ISOC1: variants seen among roughly 807,000 people sequenced by gnomAD.
ISOC1 encodes the protein isochorismatase domain-containing protein 1.
A neutral mutation model predicts 30.0 loss-of-function variants in ISOC1; 33 were observed. That is an observed-to-expected ratio of 1.10 (90% CI 0.83 to 1.47). ISOC1 has a LOEUF of 1.47. Among genes scored for constraint, ISOC1 ranks in the 40% most tolerant of loss-of-function variants. The pLI, the probability that ISOC1 is intolerant of heterozygous loss-of-function variation, is 0.00. For missense variants in ISOC1, 372 were observed against 388.0 expected (o/e 0.96, Z 0.35); for synonymous variants, 178 against 159.8 (o/e 1.11, Z -0.86).
chr5:129,105,495 G>T, intron 3 of ISOC1, 107 bp downstream of exon 3: 2 of 867,468 alleles, frequency 2.3e-6, no homozygotes, highest in Non-Finnish European at 1.8e-6. Flanking sequence ...TAATAATGAG[G>T]AAAGGTAGCC....
At chr5:129,100,329 T>C (rs892218452) in intron 1 of ISOC1, among the ~76,000 whole-genome samples, 4 of 152,136 alleles carry the variant, frequency 2.6e-5, no homozygotes, top group African/African-American at 9.7e-5. Context: ...CTTAAGAAAG[T>C]AGACAAAATA....
At chr5:129,110,301 T>C (rs1414917264) in intron 4 of ISOC1, among the ~76,000 whole-genome samples, 1 of 152,168 alleles carries the variant, frequency 6.6e-6, no homozygotes, top group Non-Finnish European at 1.5e-5. Flanking sequence ...GGCTGGAGTT[T>C]TAACTGCCCC....
In ISOC1 at chr5:129,113,941, TTAAA is replaced by T. The variant is rs1753741622; in HGVS notation, c.*943_*946del. The T allele has an allele frequency of 6.6e-6, 1 of 152,190 alleles. No individual in the cohort carries two copies. The allele number at this position is 152,190 out of a possible 1,614,324, so 9.4% of individuals were successfully genotyped here. On this transcript the variant is annotated 3_prime_UTR_variant, in exon 5 of 5. Coordinates refer to ENST00000173527, the MANE Select transcript of ISOC1 (RefSeq NM_016048.2). ...TTTCTCTTCGATAAATTTATTTTCATTAAATACTTGTTAGAGGGTTTTGAAATGT... is the reference window on the plus strand; with the variant it reads ...TTTCTCTTCGATAAATTTATTTTCATTACTTGTTAGAGGGTTTTGAAATGT...
At chr5:129,103,828 G>A (rs1031583604) in intron 1 of ISOC1, among the ~76,000 whole-genome samples, 1 of 152,150 alleles carries the variant, frequency 6.6e-6, no homozygotes, top group African/African-American at 2.4e-5. Context: ...AGGATAATTA[G>A]AGGGATGATT....
intron 1 of ISOC1, chr5:129,097,911 A>G (rs1008567919): frequency 5.2e-5 from 8 of 152,406 alleles, no homozygotes; most frequent in African/African-American, 1.9e-4. Flanking sequence ...TCACTTAGGA[A>G]GACTCAAGGT....
intron 1 of ISOC1, among the ~76,000 whole-genome samples, chr5:129,097,007 G>A (rs894240672): frequency 2.6e-5 from 4 of 152,064 alleles, no homozygotes; most frequent in African/African-American, 7.3e-5. Context: ...TATAATTCTG[G>A]TCACCTGTAG....
chr5:129,104,430 TTAAA>T (rs1215178899), intron 1 of ISOC1, among the ~76,000 whole-genome samples: 2 of 152,160 alleles, frequency 1.3e-5, no homozygotes, highest in Admixed American at 6.5e-5. Context: ...AGAAATTTCT[TTAAA>T]TAACATTCAG....
intron 4 of ISOC1, among the ~76,000 whole-genome samples, chr5:129,108,038 G>A (rs1580789477): frequency 6.6e-6 from 1 of 152,146 alleles, no homozygotes; most frequent in Non-Finnish European, 1.5e-5. Flanking sequence ...TAATTTTAGA[G>A]CAATGTGCAT....
At position 129,105,230 on chromosome 5, in the gene ISOC1, C is replaced by A; in HGVS notation, c.475C>A (p.Gln159Lys). ...AGGAATTCCTGTTATTGTAACAGAA[C>A]AATACCCTAAAGGTCTTGGGAGCAC... ...ILGIPVIVTE[Q>K]YPKGLGSTVQ... The change falls in exon 3 of 5, where the codon CAA becomes AAA. Residue 159 changes from glutamine to lysine, a missense_variant. Physicochemically the swap from Gln to Lys is moderately conservative, Grantham distance 53. Coordinates refer to ENST00000173527, the MANE Select transcript of ISOC1 (RefSeq NM_016048.2). 1 of 1,613,736 alleles carries A rather than the reference C, an allele frequency of 6.2e-7. No individual in the cohort carries two copies. Among genetic ancestry groups the A allele is most frequent in the Non-Finnish European group, 8.5e-7 (1 of 1,179,826 alleles).
chr5:129,102,480 C>T (rs1413182538), intron 1 of ISOC1, among the ~76,000 whole-genome samples: 3 of 152,162 alleles, frequency 2.0e-5, no homozygotes, highest in Admixed American at 1.3e-4. Context: ...GGGCAGGAAA[C>T]ACCAGCTAGC....
chr5:129,095,807 A>G (rs1753493270), intron 1 of ISOC1, among the ~76,000 whole-genome samples: 1 of 152,222 alleles, frequency 6.6e-6, no homozygotes, highest in Admixed American at 6.5e-5. Flanking sequence ...CCTGAGGACT[A>G]CTTAACAGCA....
intron 1 of ISOC1, among the ~76,000 whole-genome samples, chr5:129,097,323 A>G (rs1292123086): frequency 6.6e-6 from 1 of 152,140 alleles, no homozygotes; most frequent in African/African-American, 2.4e-5. Flanking sequence ...ATATGCACAC[A>G]CTGTGTATCG....
chr5:129,106,764 C>A (rs1364185791), intron 3 of ISOC1, among the ~76,000 whole-genome samples, 182 bp from the exon 4 acceptor site: 2 of 152,090 alleles, frequency 1.3e-5, no homozygotes, highest in Non-Finnish European at 2.9e-5. Context: ...AATGAATAAA[C>A]CAAAGCCAGA....
rs1753729559 is a variant in ISOC1 at position 129,112,955 on chromosome 5, T to C, written c.851T>C (p.Leu284Pro). The C allele has an allele frequency of 1.2e-6, 2 of 1,613,752 alleles. No individual in the cohort carries two copies. The highest frequency in any genetic ancestry group is 3.3e-5 in the Admixed American group (2 of 59,996). The change falls in exon 5 of 5, where the codon CTA becomes CCA. Residue 284 changes from leucine (L) to proline (P), a missense_variant. By Grantham distance (98) the Leu-to-Pro change is moderately conservative. Transcript: ENST00000173527. Reference sequence around the variant, plus strand: ...CCAAAATTCAAGGAAATTCAGAATCTAATTAAGGCGAGTGCTCCAGAGTCG... The same window carrying C: ...CCAAAATTCAAGGAAATTCAGAATCCAATTAAGGCGAGTGCTCCAGAGTCG... ...DHPKFKEIQN[L>P]IKASAPESGL...
At chr5:129,106,522 A>C (rs1378294325) in intron 3 of ISOC1, among the ~76,000 whole-genome samples, 1 of 152,130 alleles carries the variant, frequency 6.6e-6, no homozygotes, top group Non-Finnish European at 1.5e-5. Context: ...CAGTTTTCCC[A>C]CTAAGTTCTC....
rs756668646 is a variant in ISOC1 at position 129,112,952 on chromosome 5, A to C, written c.848A>C (p.Asn283Thr). Residue 283 changes from asparagine (N) to threonine (T), a missense_variant, in exon 5 of 5, where the codon AAT (asparagine) becomes ACT (threonine). Physicochemically the swap from Asn to Thr is moderately conservative, Grantham distance 65. Coordinates refer to ENST00000173527, the MANE Select transcript of ISOC1 (RefSeq NM_016048.2). Reference protein sequence around the residue: ...KDHPKFKEIQNLIKASAPESG... With the variant: ...KDHPKFKEIQTLIKASAPESG... ...CATCCAAAATTCAAGGAAATTCAGAATCTAATTAAGGCGAGTGCTCCAGAG... is the reference window on the plus strand; with the variant it reads ...CATCCAAAATTCAAGGAAATTCAGACTCTAATTAAGGCGAGTGCTCCAGAG... 6.2e-7 allele frequency: 1 copy of C among 1,613,844 alleles called. No homozygotes were observed. Among genetic ancestry groups the C allele is most frequent in the Admixed American group, 1.7e-5 (1 of 60,010 alleles).
intron 1 of ISOC1, chr5:129,097,749 G>A (rs915780662): frequency 1.3e-5 from 2 of 151,938 alleles, no homozygotes; most frequent in Middle Eastern, 1.4e-3. Context: ...GAGCTAGCCA[G>A]GCATATGCAG....
rs141159467 is a variant in ISOC1, at chr5:129,098,060, C to G, written c.309+2985C>G. Among the ~76,000 whole-genome samples, 98 of 152,162 alleles carry G rather than the reference C, an allele frequency of 6.4e-4. No individual in the cohort carries two copies. In the East Asian group the frequency reaches 0.013, roughly 20 times the overall value. ...TCTCCACACTTGGGCCCTGGAGCCTCTGTGGCCCTGGCTCACGTACTGTTA... is the reference window on the plus strand; with the variant it reads ...TCTCCACACTTGGGCCCTGGAGCCTGTGTGGCCCTGGCTCACGTACTGTTA... On this transcript the variant is annotated intron_variant, in intron 1 of 4. Coordinates refer to ENST00000173527, the MANE Select transcript of ISOC1 (RefSeq NM_016048.2).
At position 129,094,864 on chromosome 5, in the gene ISOC1, C is replaced by T; in HGVS notation, c.98C>T (p.Ser33Leu). 1 of 1,588,822 alleles carries T rather than the reference C, an allele frequency of 6.3e-7. No individual in the cohort carries two copies. Among genetic ancestry groups the T allele is most frequent in the Non-Finnish European group, 8.5e-7 (1 of 1,169,738 alleles). Residue 33 changes from serine to leucine, a missense_variant, in exon 1 of 5, where the codon TCA becomes TTA. Coordinates refer to ENST00000173527, the MANE Select transcript of ISOC1 (RefSeq NM_016048.2). ...ACAGTCCCGGTGCTCTTCTGTTTCT[C>T]AGTCTTCGCGCGACCCTCGTCGGTG... Reference protein sequence around the residue: ...SGTVPVLFCFSVFARPSSVPH... With the variant: ...SGTVPVLFCFLVFARPSSVPH...
Sources: allele counts gnomAD v4.1 joint callset (sites outside exome capture counted in the v4.1 genomes callset), GRCh38; gene constraint gnomAD v4.1.1; transcripts MANE v1.5; gene names NCBI Gene and HGNC (gene_info 2026-07-23, HGNC 2026-07-21).